The following CHLSN variants were observed in gnomAD, a reference collection of about 807,000 sequenced individuals.
CHLSN encodes protein cholesin.
chr7:1,002,792 G>T, the CHLSN span, among the ~76,000 whole-genome samples: 3 of 90,886 alleles, frequency 3.3e-5, no homozygotes, highest in Non-Finnish European at 7.0e-5. Flanking sequence ...AGTCCTGTGG[G>T]TGAGTGGAGT....
At chr7:985,284 C>T in the CHLSN span, 7 of 1,551,678 alleles carry the variant, frequency 4.5e-6, no homozygotes, top group South Asian at 3.6e-5. Context: ...TGGGTCTCAT[C>T]GATGAGGTCA....
the CHLSN span, among the ~76,000 whole-genome samples, chr7:1,095,131 C>T: frequency 6.6e-6 from 1 of 152,104 alleles, no homozygotes; most frequent in Non-Finnish European, 1.5e-5. Flanking sequence ...GCCTGCCCTG[C>T]AAGTCACCCC....
At chr7:1,000,632 C>A in the CHLSN span, 2 of 1,196,778 alleles carry the variant, frequency 1.7e-6, no homozygotes, top group African/African-American at 3.0e-5. Flanking sequence ...ATCGGGGACG[C>A]CTCATCTTAG....
At chr7:985,013 A>G in the CHLSN span, 1 of 1,611,816 alleles carries the variant, frequency 6.2e-7, no homozygotes, top group Admixed American at 1.7e-5. Flanking sequence ...CGTGCCCTGC[A>G]CAGCCTGGGC....
At chr7:1,104,418 C>T in the CHLSN span, among the ~76,000 whole-genome samples, 4 of 152,214 alleles carry the variant, frequency 2.6e-5, no homozygotes, top group East Asian at 1.9e-4. Context: ...AATGCATTCA[C>T]GTCATCTATG....
the CHLSN span, among the ~76,000 whole-genome samples, chr7:991,787 C>G: frequency 6.6e-6 from 1 of 152,248 alleles, no homozygotes; most frequent in Admixed American, 6.5e-5. Context: ...TCACGGCCAC[C>G]ACTGTCACCT....
chr7:1,036,543 A>C, the CHLSN span, among the ~76,000 whole-genome samples: 2 of 151,858 alleles, frequency 1.3e-5, no homozygotes, highest in Non-Finnish European at 2.9e-5. Flanking sequence ...TCACTGTTGT[A>C]AATGCACTAT....
chr7:1,090,388 G>A, the CHLSN span, among the ~76,000 whole-genome samples: 2 of 152,262 alleles, frequency 1.3e-5, no homozygotes, highest in African/African-American at 2.4e-5. Flanking sequence ...GGCAGGTGAC[G>A]GGACCCTCCC....
chr7:1,009,914 G>A, the CHLSN span: 37 of 1,493,504 alleles, frequency 2.5e-5, no homozygotes, highest in Non-Finnish European at 3.2e-5. Flanking sequence ...TGAGACGCAC[G>A]TCCGGGACAG....
chr7:1,115,956 C>A, the CHLSN span, among the ~76,000 whole-genome samples: 2 of 129,764 alleles, frequency 1.5e-5, 1 homozygote, highest in Non-Finnish European at 3.4e-5. Flanking sequence ...CACCAAAGCC[C>A]ACGCAGGATG....
At chr7:1,107,061 C>A in the CHLSN span, among the ~76,000 whole-genome samples, 133 of 152,290 alleles carry the variant, frequency 8.7e-4, no homozygotes, top group Non-Finnish European at 1.5e-3. Flanking sequence ...CTGGAAGGAA[C>A]GCAGACTCGA....
chr7:1,016,412 GCAGCGCACGC>G, the CHLSN span, among the ~76,000 whole-genome samples: 2 of 40,158 alleles, frequency 5.0e-5, no homozygotes, highest in African/African-American at 2.6e-4. Flanking sequence ...GCAGCACACA[GCAGCGCACGC>G]CAGCACACAG....
the CHLSN span, chr7:1,058,965 T>TGGCCGGGCCCTGCCAGTGGGC: frequency 9.6e-5 from 18 of 186,652 alleles, no homozygotes; most frequent in Non-Finnish European, 2.2e-4. Flanking sequence ...ACAGCCAGGG[T>TGGCCGGGCCCTGCCAGTGGGC]GGCCGGGCCC....
At chr7:1,092,445 G>A in the CHLSN span, 3 of 1,608,114 alleles carry the variant, frequency 1.9e-6, no homozygotes, top group Admixed American at 1.7e-5. Context: ...TCATTGTCCG[G>A]GTGCTGGTCA....
chr7:1,030,514 G>A, the CHLSN span, among the ~76,000 whole-genome samples: 18 of 152,156 alleles, frequency 1.2e-4, no homozygotes, highest in Admixed American at 7.2e-4. Flanking sequence ...TCCATCTCAC[G>A]CTTCCAGCTA....
chr7:995,862 C>T, the CHLSN span, among the ~76,000 whole-genome samples: 1 of 152,226 alleles, frequency 6.6e-6, no homozygotes, highest in Non-Finnish European at 1.5e-5. Context: ...AGAATTTTGG[C>T]CACAACAGTT....
chr7:984,972 G>A, the CHLSN span: 84 of 1,606,370 alleles, frequency 5.2e-5, no homozygotes, highest in East Asian at 1.6e-4. Context: ...CATCTGGGGC[G>A]CGCTGGAGGG....
the CHLSN span, among the ~76,000 whole-genome samples, chr7:1,031,192 C>T: frequency 6.6e-6 from 1 of 152,244 alleles, no homozygotes; most frequent in South Asian, 2.1e-4. Context: ...CCACACGCTA[C>T]ATATCTGGAC....
At chr7:1,075,534 T>C in the CHLSN span, among the ~76,000 whole-genome samples, 4 of 149,006 alleles carry the variant, frequency 2.7e-5, no homozygotes, top group East Asian at 8.0e-4. Context: ...AAAAAAAAAA[T>C]TAAAAAAAAA....
Sources: gnomAD v4.1 joint callset for allele counts (sites outside exome capture counted in the v4.1 genomes callset) on GRCh38, gnomAD v4.1.1 for gene constraint, MANE v1.5 for transcripts, NCBI Gene and HGNC (gene_info 2026-07-23, HGNC 2026-07-21) for gene names.